The following FAT2 variants were observed in gnomAD, a reference collection of about 807,000 sequenced individuals.
The protein encoded by FAT2 is FAT atypical cadherin 2.
Under a neutral mutation model 295.3 loss-of-function variants are expected in FAT2, and 150 were observed. That is an observed-to-expected ratio of 0.51 (90% CI 0.44 to 0.58). The LOEUF is 0.58. FAT2 is among the 20% of genes least tolerant of loss of function. The pLI is 0.00. For synonymous variants in FAT2, 2,026 were observed against 2,150.3 expected (o/e 0.94, Z 1.60); for missense variants, 4,868 against 5,442.7 (o/e 0.89, Z 3.32).
In FAT2 at chr5:151,568,788, G is replaced by A; in HGVS notation, c.144C>T (p.Pro48=). 6.2e-7 allele frequency: 1 copy of A among 1,614,126 alleles called. No individual in the cohort carries two copies. Among genetic ancestry groups the A allele is most frequent in the South Asian group, 1.1e-5 (1 of 91,070 alleles). The change falls in exon 2 of 24, where the codon CCC becomes CCT. Residue 48 remains proline (P), a synonymous_variant. Transcript: ENST00000261800. ...TCTCGAAGCTCTCCACATAGGTCTTGGGAGAAGAATTTTCATAGATGGTGG... is the reference window on the plus strand; with the variant it reads ...TCTCGAAGCTCTCCACATAGGTCTTAGGAGAAGAATTTTCATAGATGGTGG... ...YNATIYENSS[P]KTYVESFEKM...
At chr5:151,508,669 C>G (rs1266544433) in intron 22 of FAT2, among the ~76,000 whole-genome samples, 3 of 150,870 alleles carry the variant, frequency 2.0e-5, no homozygotes, top group African/African-American at 7.4e-5. Flanking sequence ...GAGATTGTGC[C>G]ATTGCACTGC....
At position 151,544,423 on chromosome 5, in the gene FAT2, G is replaced by A; in HGVS notation, c.6704C>T (p.Ser2235Phe). ...LTVTGPLDYE[S>F]KTKHVFTVRA... is the part of the protein sequence containing the mutation. ...GACTGTGAACACATGTTTGGTCTTG[G>A]ACTCATAGTCCAAAGGCCCTGTTAC... The change falls in exon 10 of 24, where the codon TCC (serine) becomes TTC (phenylalanine). Residue 2235 changes from serine to phenylalanine, a missense_variant. Physicochemically the swap from Ser to Phe is radical, Grantham distance 155. Transcript: ENST00000261800. 1 of 1,614,156 alleles carries A rather than the reference G, an allele frequency of 6.2e-7. No homozygotes were observed. Among genetic ancestry groups the A allele is most frequent in the Non-Finnish European group, 8.5e-7 (1 of 1,180,016 alleles).
rs754563426 is a variant in FAT2, at chr5:151,534,593, G to A, written c.9243C>T (p.Phe3081=). 6.2e-7 allele frequency: 1 copy of A among 1,614,108 alleles called. No homozygotes were observed. Among genetic ancestry groups the A allele is most frequent in the East Asian group, 2.2e-5 (1 of 44,884 alleles). The part of the protein sequence containing the change: ...TALDRERKDV[F]NLVAKATDGG... ...CATCCGTCGCCTTGGCAACAAGGTT[G>A]AACACATCCTTCCTTTCTCGGTCTA... Residue 3081 remains phenylalanine, a synonymous_variant, in exon 13 of 24, where the codon TTC becomes TTT. Transcript: ENST00000261800.
At chr5:151,569,344 T>C (rs113748592) in intron 1 of FAT2, among the ~76,000 whole-genome samples, 10 of 152,186 alleles carry the variant, frequency 6.6e-5, no homozygotes, top group African/African-American at 2.2e-4. Flanking sequence ...CAAGAGCGCG[T>C]AGGCAGGGGA....
chr5:151,550,803 G>A lies in FAT2; in HGVS notation c.4365C>T (p.Val1455=), dbSNP rs774490103. ...CTGGCACGGTGTCCTGGGGAACTCT[G>A]ACTTCATAACGAGTTTCCAGAAACT... The part of the protein sequence containing the change: ...RPQFLETRYE[V]RVPQDTVPGV... The change falls in exon 8 of 24, where the codon GTC becomes GTT. Residue 1455 remains valine (V), a synonymous_variant. Transcript: ENST00000261800. 1 of 1,613,832 alleles carries A rather than the reference G, an allele frequency of 6.2e-7. No individual in the cohort carries two copies. The highest frequency in any genetic ancestry group is 8.5e-7 in the Non-Finnish European group (1 of 1,180,004).
intron 1 of FAT2, among the ~76,000 whole-genome samples, chr5:151,574,319 C>A (rs1357440713): frequency 1.3e-5 from 2 of 152,158 alleles, no homozygotes; most frequent in Non-Finnish European, 2.9e-5. Context: ...ATGGGTGATT[C>A]CAAACCCCTC....
At chr5:151,558,840 T>C (rs957386646) in intron 3 of FAT2, among the ~76,000 whole-genome samples, 6 of 152,172 alleles carry the variant, frequency 3.9e-5, no homozygotes, top group African/African-American at 1.4e-4. Context: ...GAGAAGGCGC[T>C]AGCTCTCTGC....
rs574495332 is a variant in FAT2, at chr5:151,549,459, G to T, written c.4625C>A (p.Thr1542Asn). 5.5e-5 allele frequency: 89 copies of T among 1,614,142 alleles called. No individual in the cohort carries two copies. The South Asian group carries it at 9.4e-4, about 17-fold the overall frequency. The change falls in exon 9 of 24, where the codon ACC becomes AAC. Residue 1542 changes from threonine (T) to asparagine (N), a missense_variant. By Grantham distance (65) the Thr-to-Asn change is moderately conservative. This residue lies in a region of FAT2 where 3,297 missense variants were observed against 3,669.4 expected (regional missense o/e 0.90). Coordinates refer to ENST00000261800, the MANE Select transcript of FAT2 (RefSeq NM_001447.3). The part of the protein sequence containing the change: ...IPIKRNFVWV[T>N]IHVEDGNLHP... The stretch of plus-strand genomic sequence containing the variant: ...GAGGTTTCCATCCTCCACATGAATG[G>T]TCACCCACACGAAGTTCCTCTTGAT...
chr5:151,537,066 T>C (rs7704979), intron 12 of FAT2, among the ~76,000 whole-genome samples: 2,384 of 152,250 alleles, frequency 0.016, 55 homozygotes, highest in African/African-American at 0.054. Flanking sequence ...ATTTCCTCAG[T>C]GATCTTTTAC....
intron 22 of FAT2, chr5:151,509,423 GGT>G (rs1403660962): frequency 6.6e-6 from 1 of 152,634 alleles, no homozygotes; most frequent in East Asian, 1.9e-4. Flanking sequence ...CATACTGGTC[GGT>G]GGCCTGTTAG....
upstream of FAT2, among the ~76,000 whole-genome samples, chr5:151,592,002 T>C (rs915688975): frequency 5.9e-5 from 9 of 152,188 alleles, no homozygotes; most frequent in African/African-American, 2.2e-4. Flanking sequence ...CCCCATCTAT[T>C]AAATGGAGGT....
intron 22 of FAT2, 126 bp downstream of exon 22, chr5:151,509,895 A>G (rs1204350901): frequency 1.8e-6 from 2 of 1,120,462 alleles, no homozygotes; most frequent in Non-Finnish European, 2.6e-6. Context: ...TAACAGATGG[A>G]AAAGGCCTAG....
rs2127561920 is a variant in FAT2, at chr5:151,505,439, A to G, written c.*126T>C. 1.7e-6 allele frequency: 2 copies of G among 1,172,888 alleles called. No individual in the cohort carries two copies. The highest frequency in any genetic ancestry group is 2.4e-6 in the Non-Finnish European group (2 of 825,790). The allele number at this position is 1,172,888 out of a possible 1,614,324, so 72.7% of individuals were successfully genotyped here. On this transcript the variant is annotated 3_prime_UTR_variant, in exon 24 of 24. Transcript: ENST00000261800. Reference sequence around the variant, plus strand: ...TTGGAAGAGCACATTTCAAGGGACAACAGCCTGGGCTGAGGGCTTCCCTCC... The same window carrying G: ...TTGGAAGAGCACATTTCAAGGGACAGCAGCCTGGGCTGAGGGCTTCCCTCC...
chr5:151,549,478 T>G lies in FAT2; in HGVS notation c.4606A>C (p.Arg1536=). Residue 1536 remains arginine, a synonymous_variant, in exon 9 of 24, where the codon AGG becomes CGG. Coordinates refer to ENST00000261800, the MANE Select transcript of FAT2 (RefSeq NM_001447.3). The stretch of plus-strand genomic sequence containing the variant: ...TGAATGGTCACCCACACGAAGTTCC[T>G]CTTGATAGGTATTTCCTGGTCTCGG... The part of the protein sequence containing the change: ...MVRDQEIPIK[R]NFVWVTIHVE... 1 of 1,614,178 alleles carries G rather than the reference T, an allele frequency of 6.2e-7. No individual in the cohort carries two copies.
intron 10 of FAT2, among the ~76,000 whole-genome samples, chr5:151,541,396 G>A (rs1330623738): frequency 2.0e-5 from 3 of 152,172 alleles, no homozygotes; most frequent in African/African-American, 7.2e-5. Flanking sequence ...GTGTTTTTAG[G>A]AGTCTGATAT....
intron 2 of FAT2, 121 bp downstream of exon 2, chr5:151,565,552 A>T: frequency 1.1e-6 from 1 of 944,990 alleles, no homozygotes; most frequent in Non-Finnish European, 1.5e-6. Flanking sequence ...ATCCCTATTT[A>T]TTGCCTTTCA....
At chr5:151,551,426 A>T in intron 7 of FAT2, 41 bp downstream of exon 7, 1 of 1,601,152 alleles carries the variant, frequency 6.2e-7, no homozygotes, top group Non-Finnish European at 8.5e-7. Context: ...AAGGCCTTCC[A>T]TCTCCTCTCA....
intron 3 of FAT2, 78 bp downstream of exon 3, chr5:151,563,247 G>A: frequency 7.4e-7 from 1 of 1,342,958 alleles, no homozygotes; most frequent in South Asian, 1.3e-5. Flanking sequence ...CAGTAATGCT[G>A]ATGGTGCCGA....
At position 151,568,296 on chromosome 5, in the gene FAT2, G is replaced by A; in HGVS notation, c.636C>T (p.Thr212=). Residue 212 remains threonine (T), a synonymous_variant, in exon 2 of 24, where the codon ACC becomes ACT. Coordinates refer to ENST00000261800, the MANE Select transcript of FAT2 (RefSeq NM_001447.3). ...CCTGGAGCTCATGCTTTCCTCGCCA[G>A]GTGACGTTAAGCTTCCCAGCCACAG... ...VVTVAGKLNV[T]WRGKHELQVL... 2 of 1,614,220 alleles carry A rather than the reference G, an allele frequency of 1.2e-6. No homozygotes were observed. The highest frequency in any genetic ancestry group is 4.5e-5 in the East Asian group (2 of 44,886).
Sources: gnomAD v4.1 joint callset for allele counts (sites outside exome capture counted in the v4.1 genomes callset) on GRCh38, gnomAD v4.1.1 for gene constraint, gnomAD v4.1.1 regional missense constraint, MANE v1.5 for transcripts, NCBI Gene and HGNC (gene_info 2026-07-23, HGNC 2026-07-21) for gene names.